The following SGCZ variants were observed in gnomAD, a reference collection of about 807,000 sequenced individuals.
SGCZ encodes zeta-sarcoglycan.
SGCZ carries 40 observed loss-of-function variants against 41.3 expected under a neutral mutation model. The observed-to-expected ratio is 0.97, with a 90% confidence interval of 0.75 to 1.26. The LOEUF is 1.26. Among genes scored for constraint, SGCZ ranks in the 50% most tolerant of loss-of-function variants. SGCZ has a pLI of 0.00. For synonymous variants in SGCZ, 206 were observed against 137.5 expected, an observed-to-expected ratio of 1.50 and a Z score of -3.49; for missense variants, 552 against 369.8, an observed-to-expected ratio of 1.49 and a Z score of -4.04.
rs540785002 is a variant in SGCZ, at chr8:15,097,650, G to A, written c.39+139935C>T. ...GACTGCCTGTAGTACCAGCTACTGA[G>A]GCGAGAGAATCTCCTGAGCCCAGGA... On this transcript the variant is annotated intron_variant, in intron 1 of 7. Coordinates refer to ENST00000382080, the MANE Select transcript of SGCZ (RefSeq NM_139167.4). Among the ~76,000 whole-genome samples, 17 of 151,298 alleles carry A rather than the reference G, an allele frequency of 1.1e-4. No individual in the cohort carries two copies. The South Asian group carries it at 3.6e-3, about 32-fold the overall frequency.
intron 1 of SGCZ, among the ~76,000 whole-genome samples, chr8:14,843,638 A>G (rs960129983): frequency 6.6e-6 from 1 of 152,152 alleles, no homozygotes; most frequent in African/African-American, 2.4e-5. Context: ...ATGGAGACAC[A>G]TGATTTATAG....
At chr8:14,346,682 C>T (rs942670961) in intron 2 of SGCZ, among the ~76,000 whole-genome samples, 3 of 151,896 alleles carry the variant, frequency 2.0e-5, no homozygotes, top group East Asian at 1.9e-4. Flanking sequence ...AGCTGTTTTA[C>T]ATTATAAGGG....
chr8:15,036,574 A>G (rs1803884837), intron 1 of SGCZ, among the ~76,000 whole-genome samples: 1 of 152,182 alleles, frequency 6.6e-6, no homozygotes, highest in South Asian at 2.1e-4. Context: ...GTTAAAGAAT[A>G]AAAAATATAA....
chr8:14,163,475 G>T (rs573888486), intron 5 of SGCZ, among the ~76,000 whole-genome samples: 5 of 152,012 alleles, frequency 3.3e-5, no homozygotes, highest in Non-Finnish European at 1.5e-5. Flanking sequence ...AATCAACACA[G>T]GCCCTCCTGT....
chr8:14,336,932 C>A (rs1802524388), intron 2 of SGCZ, among the ~76,000 whole-genome samples: 1 of 152,138 alleles, frequency 6.6e-6, no homozygotes, highest in Non-Finnish European at 1.5e-5. Context: ...ACATCCCACA[C>A]ACTTGTTTTC....
intron 1 of SGCZ, among the ~76,000 whole-genome samples, chr8:15,109,696 TCA>T (rs953673773): frequency 6.6e-6 from 1 of 152,164 alleles, no homozygotes; most frequent in Non-Finnish European, 1.5e-5. Context: ...ATTTAAATAC[TCA>T]CAGAGTTCTG....
chr8:14,785,668 T>A (rs1800746945), intron 1 of SGCZ, among the ~76,000 whole-genome samples: 1 of 152,162 alleles, frequency 6.6e-6, no homozygotes, highest in East Asian at 1.9e-4. Context: ...AAGATTTGAG[T>A]TTAATTTAAG....
At chr8:14,663,209 G>A (rs559935575) in intron 1 of SGCZ, among the ~76,000 whole-genome samples, 3 of 152,118 alleles carry the variant, frequency 2.0e-5, no homozygotes, top group African/African-American at 7.2e-5. Context: ...AGGGACAATT[G>A]TACCTACCCC....
At chr8:14,596,950 C>G (rs989366906) in intron 1 of SGCZ, among the ~76,000 whole-genome samples, 1 of 151,982 alleles carries the variant, frequency 6.6e-6, no homozygotes, top group Non-Finnish European at 1.5e-5. Context: ...AAAAAAACAA[C>G]CTGTCATCAA....
At chr8:15,087,699 G>A (rs1031338975) in intron 1 of SGCZ, among the ~76,000 whole-genome samples, 2 of 152,056 alleles carry the variant, frequency 1.3e-5, no homozygotes, top group Non-Finnish European at 2.9e-5. Context: ...CATTATGTAA[G>A]TCTCCTTTTT....
intron 2 of SGCZ, among the ~76,000 whole-genome samples, chr8:14,468,087 A>AT (rs1036683483): frequency 1.1e-4 from 17 of 152,014 alleles, no homozygotes; most frequent in Admixed American, 3.3e-4. Flanking sequence ...TTTCACTTAC[A>AT]TTTTTTCAAA....
chr8:15,124,513 T>C (rs1807605044), intron 1 of SGCZ, among the ~76,000 whole-genome samples: 1 of 152,198 alleles, frequency 6.6e-6, no homozygotes, highest in Admixed American at 6.5e-5. Context: ...TGAACAGTCA[T>C]GGCTTAATTC....
chr8:14,771,400 T>C (rs534532099), intron 1 of SGCZ, among the ~76,000 whole-genome samples: 12 of 152,152 alleles, frequency 7.9e-5, no homozygotes, highest in Admixed American at 6.6e-5. Flanking sequence ...TGTATTGAGC[T>C]TCACATGGCT....
At chr8:14,395,144 C>T (rs1453485612) in intron 2 of SGCZ, among the ~76,000 whole-genome samples, 2 of 152,146 alleles carry the variant, frequency 1.3e-5, no homozygotes, top group Non-Finnish European at 2.9e-5. Flanking sequence ...CTGTTCTTAG[C>T]TTTTCTCTCA....
chr8:14,882,764 C>A (rs2130726383), intron 1 of SGCZ, among the ~76,000 whole-genome samples: 1 of 152,194 alleles, frequency 6.6e-6, no homozygotes, highest in Non-Finnish European at 1.5e-5. Flanking sequence ...ATTTTTCTAT[C>A]TCCAGGTCCA....
At chr8:14,490,066 C>A (rs1801799834) in intron 2 of SGCZ, among the ~76,000 whole-genome samples, 1 of 151,978 alleles carries the variant, frequency 6.6e-6, no homozygotes, top group South Asian at 2.1e-4. Context: ...TGAGGTTTCA[C>A]CATGTTGGTC....
intron 1 of SGCZ, among the ~76,000 whole-genome samples, chr8:14,889,013 G>A (rs993826705): frequency 1.3e-5 from 2 of 152,032 alleles, no homozygotes; most frequent in Non-Finnish European, 1.5e-5. Flanking sequence ...CCTACACAAA[G>A]TAACATTGTA....
intron 2 of SGCZ, among the ~76,000 whole-genome samples, chr8:14,417,089 G>A (rs966353806): frequency 3.3e-5 from 5 of 151,694 alleles, no homozygotes; most frequent in Middle Eastern, 3.2e-3. Context: ...ATGAAGGGAC[G>A]TTATTCTATG....
chr8:14,472,372 C>T (rs1046585971), intron 2 of SGCZ, among the ~76,000 whole-genome samples: 1 of 152,056 alleles, frequency 6.6e-6, no homozygotes, highest in East Asian at 1.9e-4. Flanking sequence ...CAATCAATAC[C>T]TCTGCAGTAC....
Sources: allele counts gnomAD v4.1 joint callset (sites outside exome capture counted in the v4.1 genomes callset), GRCh38; gene constraint gnomAD v4.1.1; transcripts MANE v1.5; gene names NCBI Gene and HGNC (gene_info 2026-07-23, HGNC 2026-07-21).